ANKRD17: variants seen among roughly 807,000 people sequenced by gnomAD.
ANKRD17 encodes the protein ankyrin repeat domain 17, also known as ankyrin repeat domain-containing protein 17.
Under a neutral mutation model 229.7 loss-of-function variants are expected in ANKRD17, and 19 were observed. The ratio of observed to expected loss-of-function variants is 0.08; its 90% CI spans 0.06 to 0.12. The LOEUF (loss-of-function observed/expected upper bound fraction) is 0.12, where lower values mean the gene tolerates loss of function less well. Among genes scored for constraint, ANKRD17 ranks in the 10% least tolerant of loss-of-function variants. The pLI is 1.00. For synonymous variants in ANKRD17, 1,112 were observed against 1,146.1 expected (o/e 0.97, Z 0.60); for missense variants, 2,176 against 3,176.8 (o/e 0.68, Z 7.57).
At chr4:73,214,640 A>T (rs887973460) in intron 1 of ANKRD17, among the ~76,000 whole-genome samples, 9 of 141,888 alleles carry the variant, frequency 6.3e-5, no homozygotes, top group Admixed American at 4.1e-4. Context: ...ATTTTGTATT[A>T]AAAAAAAAAG....
intron 1 of ANKRD17, among the ~76,000 whole-genome samples, chr4:73,194,554 T>C (rs969237121): frequency 6.6e-6 from 1 of 152,166 alleles, no homozygotes; most frequent in Admixed American, 6.5e-5. Flanking sequence ...AAAAAGCTTG[T>C]AAATTAAAAA....
chr4:73,138,536 T>G (rs2148804102), intron 15 of ANKRD17, among the ~76,000 whole-genome samples: 1 of 152,264 alleles, frequency 6.6e-6, no homozygotes, highest in South Asian at 2.1e-4. Flanking sequence ...CTCATCATAT[T>G]TAATGCTACT....
At chr4:73,171,147 C>A (rs1299571766) in intron 2 of ANKRD17, among the ~76,000 whole-genome samples, 1 of 145,468 alleles carries the variant, frequency 6.9e-6, no homozygotes. Context: ...CTTGTGTCAC[C>A]CCAACCCCAG....
intron 11 of ANKRD17, 83 bp downstream of exon 11, chr4:73,144,662 A>T (rs1396275722): frequency 1.1e-6 from 1 of 900,986 alleles, no homozygotes; most frequent in Non-Finnish European, 1.6e-6. Context: ...TCTTGCCTTC[A>T]AAAGACCTTT....
intron 7 of ANKRD17, among the ~76,000 whole-genome samples, chr4:73,149,862 T>G (rs1458992756): frequency 6.6e-6 from 1 of 152,140 alleles, no homozygotes. Flanking sequence ...AGACCCTGTC[T>G]CAAAAATGAA....
intron 21 of ANKRD17, among the ~76,000 whole-genome samples, chr4:73,119,573 G>C (rs1726435637): frequency 6.6e-6 from 1 of 152,204 alleles, no homozygotes; most frequent in South Asian, 2.1e-4. Context: ...GCATGATGTA[G>C]ATGGGAAGAA....
chr4:73,170,861 C>A (rs1733898043), intron 2 of ANKRD17, among the ~76,000 whole-genome samples: 1 of 152,018 alleles, frequency 6.6e-6, no homozygotes. Context: ...GTACAATAGA[C>A]CCTCATTAGA....
rs747998603 is a variant in ANKRD17 at position 73,140,108 on chromosome 4, T to C, written c.2508A>G (p.Glu836=). ...TGGTAAGTTGGTCAGCATGAGCCAGTTCCAAGGACTGCAGCTGTGCATTCT... is the reference window on the plus strand; with the variant it reads ...TGGTAAGTTGGTCAGCATGAGCCAGCTCCAAGGACTGCAGCTGTGCATTCT... The part of the protein sequence containing the change: ...IEKNAQLQSL[E]LAHADQLTKE... Residue 836 remains glutamate (E), a synonymous_variant, in exon 15 of 34, where the codon GAA becomes GAG. Coordinates refer to ENST00000358602, the MANE Select transcript of ANKRD17 (RefSeq NM_032217.5). The C allele has an allele frequency of 6.2e-7, 1 of 1,614,196 alleles. No homozygotes were observed. The highest frequency in any genetic ancestry group is 8.5e-7 in the Non-Finnish European group (1 of 1,180,032).
Position 73,077,070 on chromosome 4 carries a change from A to G in ANKRD17, c.7622T>C (p.Ile2541Thr). Reference sequence around the variant, plus strand: ...ATCAGGGATAGGTGCTACTGGAGGAATCATTGCATTCCCATACACAGAAAA... The same window carrying G: ...ATCAGGGATAGGTGCTACTGGAGGAGTCATTGCATTCCCATACACAGAAAA... ...MPFSVYGNAMIPPVAPIPDGA... is the reference protein window; with the variant it reads ...MPFSVYGNAMTPPVAPIPDGA... Residue 2541 changes from isoleucine to threonine, a missense_variant, in exon 33 of 34, where the codon ATT becomes ACT. Coordinates refer to ENST00000358602, the MANE Select transcript of ANKRD17 (RefSeq NM_032217.5). 1 of 1,610,246 alleles carries G rather than the reference A, an allele frequency of 6.2e-7. No individual in the cohort carries two copies. Among genetic ancestry groups the G allele is most frequent in the Non-Finnish European group, 8.5e-7 (1 of 1,178,668 alleles).
rs775806218 is a variant in ANKRD17 at position 73,090,678 on chromosome 4, G to A, written c.6950C>T (p.Pro2317Leu). ...AAATATAAACTCACCTGAGGGACTTGGAGCAGGTCTCTGTAATGGTGGTCT... is the reference window on the plus strand; with the variant it reads ...AAATATAAACTCACCTGAGGGACTTAGAGCAGGTCTCTGTAATGGTGGTCT... ...GFRPPLQRPA[P>L]SPSGIVNMDS... The change falls in exon 29 of 34, where the codon CCA becomes CTA. Residue 2317 changes from proline to leucine, a missense_variant. By Grantham distance (98) the Pro-to-Leu change is moderately conservative. Coordinates refer to ENST00000358602, the MANE Select transcript of ANKRD17 (RefSeq NM_032217.5). The A allele has an allele frequency of 3.7e-6, 6 of 1,614,170 alleles. No individual in the cohort carries two copies. Among genetic ancestry groups the A allele is most frequent in the Non-Finnish European group, 5.1e-6 (6 of 1,180,040 alleles).
chr4:73,258,760 G>A lies in ANKRD17; in HGVS notation c.-92C>T, dbSNP rs571117727. ...CCGCACTGGGGCCGACACAGCAATC[G>A]GTGCCGCCTCCGCCGCCACCGCCTC... On this transcript the variant is annotated 5_prime_UTR_variant, in exon 1 of 34. Transcript: ENST00000358602. 1.9e-3 allele frequency: 2,587 copies of A among 1,360,672 alleles called. 3 individuals carry two copies. The highest frequency in any genetic ancestry group is 4.2e-3 in the Admixed American group (109 of 25,858). The allele number at this position is 1,360,672 out of a possible 1,614,324, so 84.3% of individuals were successfully genotyped here.
intron 1 of ANKRD17, among the ~76,000 whole-genome samples, chr4:73,199,641 C>G (rs1738384217): frequency 6.6e-6 from 1 of 152,086 alleles, no homozygotes; most frequent in Admixed American, 6.5e-5. Flanking sequence ...ACGGTCTGCC[C>G]CATTATCCTG....
intron 2 of ANKRD17, among the ~76,000 whole-genome samples, chr4:73,166,637 A>C (rs1040573831): frequency 1.3e-5 from 2 of 152,168 alleles, no homozygotes; most frequent in African/African-American, 4.8e-5. Flanking sequence ...TTCTTGTCAA[A>C]ATCAGAATAA....
At chr4:73,206,915 C>T (rs1172030065) in intron 1 of ANKRD17, among the ~76,000 whole-genome samples, 2 of 152,076 alleles carry the variant, frequency 1.3e-5, no homozygotes, top group African/African-American at 4.8e-5. Context: ...CTCCACCCCA[C>T]GGGGTTCAAG....
chr4:73,175,988 G>C (rs1277059445), intron 2 of ANKRD17, among the ~76,000 whole-genome samples: 2 of 138,268 alleles, frequency 1.4e-5, no homozygotes, highest in South Asian at 4.5e-4. Flanking sequence ...TTCTGCACAG[G>C]AAAAAAAAAA....
rs772889348 is a variant in ANKRD17, at chr4:73,226,892, C to A, written c.393+31384G>T. ...ACAATTTCTAACAAAAGCATTTGTT[C>A]TTTTACTCTATCTTTAGGTCACTGG... On this transcript the variant is annotated intron_variant, in intron 1 of 33. Coordinates refer to ENST00000358602, the MANE Select transcript of ANKRD17 (RefSeq NM_032217.5). Among the ~76,000 whole-genome samples, 3 of 151,846 alleles carry A rather than the reference C, an allele frequency of 2.0e-5. No individual in the cohort carries two copies. In the East Asian group the frequency reaches 5.9e-4, roughly 30 times the overall value.
chr4:73,242,798 C>T (rs969939790), intron 1 of ANKRD17, among the ~76,000 whole-genome samples: 4 of 152,148 alleles, frequency 2.6e-5, no homozygotes, highest in African/African-American at 9.7e-5. Flanking sequence ...AAGTCTCCCA[C>T]CCCACTTCCA....
chr4:73,164,470 G>C lies in ANKRD17; in HGVS notation c.548-3122C>G, dbSNP rs527810568. Among the ~76,000 whole-genome samples, 250 of 151,622 alleles carry C rather than the reference G, an allele frequency of 1.6e-3. 1 individual carries two copies. The highest frequency in any genetic ancestry group is 5.4e-3 in the African/African-American group (224 of 41,360). ...GAATTATGGTGATTCTTTTTTTTCTGGTCTTATCCAGCTATTGAATATTAA... is the reference window on the plus strand; with the variant it reads ...GAATTATGGTGATTCTTTTTTTTCTCGTCTTATCCAGCTATTGAATATTAA... On this transcript the variant is annotated intron_variant, in intron 2 of 33. Coordinates refer to ENST00000358602, the MANE Select transcript of ANKRD17 (RefSeq NM_032217.5).
chr4:73,187,500 G>C (rs1736454287), intron 1 of ANKRD17, among the ~76,000 whole-genome samples: 1 of 152,200 alleles, frequency 6.6e-6, no homozygotes, highest in Non-Finnish European at 1.5e-5. Context: ...CTCTCTGTTA[G>C]AGTATATGCC....
Sources: gnomAD v4.1 joint callset for allele counts (sites outside exome capture counted in the v4.1 genomes callset) on GRCh38, gnomAD v4.1.1 for gene constraint, MANE v1.5 for transcripts, NCBI Gene and HGNC (gene_info 2026-07-23, HGNC 2026-07-21) for gene names.